The following MND1 variants were observed in gnomAD, a reference collection of about 807,000 sequenced individuals.
The protein encoded by MND1 is meiotic nuclear division protein 1 homolog.
A neutral mutation model predicts 35.1 loss-of-function variants in MND1; 28 were observed. The ratio of observed to expected loss-of-function variants is 0.80; its 90% CI spans 0.59 to 1.09. MND1 has a LOEUF of 1.09. Among genes scored for constraint, MND1 ranks in the 50% least tolerant of loss-of-function variants. MND1 has a pLI of 0.00. For missense variants in MND1, 213 were observed against 239.6 expected, an observed-to-expected ratio of 0.89 and a Z score of 0.73; for synonymous variants, 69 against 70.5, an observed-to-expected ratio of 0.98 and a Z score of 0.11.
At chr4:153,353,033 C>A (rs1015640455) in intron 2 of MND1, among the ~76,000 whole-genome samples, 1 of 152,112 alleles carries the variant, frequency 6.6e-6, no homozygotes, top group Non-Finnish European at 1.5e-5. Flanking sequence ...TGCATTTAGG[C>A]AGATATCTCA....
chr4:153,357,440 C>T (rs1240479836), intron 3 of MND1, among the ~76,000 whole-genome samples: 3 of 152,202 alleles, frequency 2.0e-5, no homozygotes, highest in Non-Finnish European at 4.4e-5. Flanking sequence ...TCCCCCAAAA[C>T]TTAACTACTG....
chr4:153,390,917 A>ATATG lies in MND1; in HGVS notation c.277-3343_277-3340dup, dbSNP rs1561072960. On this transcript the variant is annotated intron_variant, in intron 4 of 7. Coordinates refer to ENST00000240488, the MANE Select transcript of MND1 (RefSeq NM_032117.4). Reference sequence around the variant, plus strand: ...TGTGTGTGTGTGTGTGTGTGTGTGTATATGTGTGTGTGTGTGTGTGTGTGT... The same window carrying ATATG: ...TGTGTGTGTGTGTGTGTGTGTGTGTATATGTATGTGTGTGTGTGTGTGTGTGTGT... Among the ~76,000 whole-genome samples, 12 of 103,052 alleles carry ATATG rather than the reference A, an allele frequency of 1.2e-4. No individual in the cohort carries two copies. The South Asian group carries it at 3.5e-3, about 30-fold the overall frequency. 67.6% of individuals were successfully genotyped at this position (103,052 alleles called of 152,430 possible).
At chr4:153,358,999 A>G (rs1424386393) in intron 4 of MND1, among the ~76,000 whole-genome samples, 5 of 152,272 alleles carry the variant, frequency 3.3e-5, no homozygotes, top group South Asian at 2.1e-4. Flanking sequence ...TTGACATCCT[A>G]TACTAGTGTA....
intron 2 of MND1, among the ~76,000 whole-genome samples, chr4:153,351,980 A>C (rs1160307662): frequency 6.6e-6 from 1 of 152,238 alleles, no homozygotes; most frequent in Non-Finnish European, 1.5e-5. Context: ...CTAATGAAGC[A>C]GCATATACTA....
At chr4:153,357,391 A>G (rs576602581) in intron 3 of MND1, among the ~76,000 whole-genome samples, 2 of 152,282 alleles carry the variant, frequency 1.3e-5, no homozygotes, top group East Asian at 1.9e-4. Context: ...TGGGATACCA[A>G]TCCCCCACAC....
chr4:153,356,440 C>T (rs1561056195), intron 3 of MND1, among the ~76,000 whole-genome samples: 1 of 149,644 alleles, frequency 6.7e-6, no homozygotes, highest in Non-Finnish European at 1.5e-5. Flanking sequence ...ATAGTCCCAG[C>T]TACTCAGGAG....
chr4:153,344,733 G>T lies in MND1; in HGVS notation c.-5G>T, dbSNP rs1397930371. The T allele has an allele frequency of 1.9e-6, 3 of 1,596,244 alleles. No homozygotes were observed. The highest frequency in any genetic ancestry group is 2.6e-6 in the Non-Finnish European group (3 of 1,172,622). On this transcript the variant is annotated 5_prime_UTR_variant, in exon 1 of 8. Transcript: ENST00000240488. ...CCGGCCAGCGGAAGCCCCTGCGCCC[G>T]CGCCATGGTAAGGACTGAGGCTACG...
chr4:153,413,102 T>A (rs915746373), intron 7 of MND1, among the ~76,000 whole-genome samples: 2 of 152,114 alleles, frequency 1.3e-5, no homozygotes, highest in African/African-American at 4.8e-5. Context: ...AATGACCTCA[T>A]TTTAACTTGA....
intron 2 of MND1, among the ~76,000 whole-genome samples, chr4:153,354,144 G>T (rs903953076): frequency 2.7e-5 from 4 of 149,640 alleles, no homozygotes; most frequent in African/African-American, 7.4e-5. Flanking sequence ...TTCTAGACAG[G>T]TTTTTTTTTT....
chr4:153,385,778 C>G (rs1161243948), intron 4 of MND1, among the ~76,000 whole-genome samples: 1 of 151,396 alleles, frequency 6.6e-6, no homozygotes, highest in Non-Finnish European at 1.5e-5. Flanking sequence ...ATTTAAGACT[C>G]TGACTCCATT....
chr4:153,394,809 G>C (rs1221072585), intron 5 of MND1, among the ~76,000 whole-genome samples: 3 of 151,918 alleles, frequency 2.0e-5, no homozygotes, highest in Admixed American at 1.3e-4. Context: ...CTTTGGCCTT[G>C]TAATATTTTA....
intron 4 of MND1, among the ~76,000 whole-genome samples, chr4:153,393,967 G>T (rs1220401380): frequency 9.7e-6 from 1 of 102,704 alleles, no homozygotes; most frequent in Non-Finnish European, 1.7e-5. Flanking sequence ...GTCTTGCTCT[G>T]TCGCCAGGCT....
At chr4:153,387,625 G>T (rs1170877895) in intron 4 of MND1, among the ~76,000 whole-genome samples, 2 of 151,952 alleles carry the variant, frequency 1.3e-5, no homozygotes, top group Non-Finnish European at 2.9e-5. Flanking sequence ...AAATTAGCTG[G>T]CATGGTGGTG....
At chr4:153,412,103 G>A (rs1729699222) in intron 7 of MND1, among the ~76,000 whole-genome samples, 1 of 152,180 alleles carries the variant, frequency 6.6e-6, no homozygotes, top group African/African-American at 2.4e-5. Context: ...GTTACAAAGA[G>A]TAAAGATCAT....
intron 7 of MND1, among the ~76,000 whole-genome samples, chr4:153,410,470 A>G (rs775466506): frequency 2.6e-5 from 4 of 152,198 alleles, no homozygotes; most frequent in Non-Finnish European, 5.9e-5. Context: ...AAAGCATCAC[A>G]CCTCAGAAAA....
At chr4:153,360,580 C>CTG (rs1328278223) in intron 4 of MND1, among the ~76,000 whole-genome samples, 4 of 123,790 alleles carry the variant, frequency 3.2e-5, no homozygotes, top group African/African-American at 1.2e-4. Flanking sequence ...TACTTCTTTT[C>CTG]TGTATGTGTG....
chr4:153,374,494 C>T (rs1728441538), intron 4 of MND1, among the ~76,000 whole-genome samples: 1 of 152,136 alleles, frequency 6.6e-6, no homozygotes, highest in Non-Finnish European at 1.5e-5. Flanking sequence ...ATAGAAGCCA[C>T]TCAGTTCATG....
chr4:153,345,241 C>T, intron 1 of MND1: 1 of 722,752 alleles, frequency 1.4e-6, no homozygotes, highest in African/African-American at 1.9e-5. Context: ...GATCCCAAAG[C>T]GCACTCCTGG....
chr4:153,397,319 T>A lies in MND1; in HGVS notation c.452T>A (p.Val151Asp), dbSNP rs765272411. The A allele has an allele frequency of 1.3e-5, 21 of 1,610,800 alleles. No individual in the cohort carries two copies. In the Admixed American group the frequency reaches 3.2e-4, roughly 24 times the overall value. The change falls in exon 6 of 8, where the codon GTT becomes GAT. Residue 151 changes from valine to aspartate, a missense_variant. By Grantham distance (152) the Val-to-Asp change is radical. Coordinates refer to ENST00000240488, the MANE Select transcript of MND1 (RefSeq NM_032117.4). ...VEKYKDCDPQ[V>D]VEEIRQANKV... ...AAATACAAAGACTGTGATCCGCAAG[T>A]TGTGGAAGAAATACGTAAGTTTGTG...
Sources: gnomAD v4.1 joint callset for allele counts (sites outside exome capture counted in the v4.1 genomes callset) on GRCh38, gnomAD v4.1.1 for gene constraint, MANE v1.5 for transcripts, NCBI Gene and HGNC (gene_info 2026-07-23, HGNC 2026-07-21) for gene names.